FTO: variants seen among roughly 807,000 people sequenced by gnomAD.
The protein encoded by FTO is FTO alpha-ketoglutarate dependent dioxygenase.
In FTO, 47 loss-of-function variants were observed where a neutral mutation model predicts 63.9. The ratio of observed to expected loss-of-function variants is 0.74; its 90% CI spans 0.58 to 0.94. The LOEUF is 0.94. Ranked by LOEUF, FTO falls within the 40% of genes least tolerant of loss-of-function variation. FTO has a pLI of 0.00. For missense variants in FTO, 562 were observed against 618.1 expected, an observed-to-expected ratio of 0.91 and a Z score of 0.96; for synonymous variants, 207 against 224.4, an observed-to-expected ratio of 0.92 and a Z score of 0.69.
chr16:54,001,890 C>T (rs141617502), intron 8 of FTO, among the ~76,000 whole-genome samples: 11 of 152,304 alleles, frequency 7.2e-5, no homozygotes, highest in African/African-American at 2.6e-4. Context: ...AGATTGTACT[C>T]TCAGAAAACG....
chr16:53,897,097 A>AT (rs1256604967), intron 7 of FTO, among the ~76,000 whole-genome samples: 4 of 151,584 alleles, frequency 2.6e-5, no homozygotes, highest in Non-Finnish European at 5.9e-5. Flanking sequence ...ACTGTGATCT[A>AT]TTTTTTTTCT....
intron 3 of FTO, among the ~76,000 whole-genome samples, chr16:53,836,011 C>T (rs941807406): frequency 6.6e-6 from 1 of 151,946 alleles, no homozygotes; most frequent in African/African-American, 2.4e-5. Flanking sequence ...CTGCCACAGC[C>T]TCCTGAGTAG....
At position 53,704,165 on chromosome 16, in the gene FTO, A is replaced by C; in HGVS notation, c.-20A>C. The C allele has an allele frequency of 6.4e-7, 1 of 1,551,554 alleles. No individual in the cohort carries two copies. The highest frequency in any genetic ancestry group is 8.7e-7 in the Non-Finnish European group (1 of 1,146,872). ...GGGATCTACGCAGCTTGCGGTGGCG[A>C]AGGCGGCTTTAGTGGCAGCATGAAG... On this transcript the variant is annotated 5_prime_UTR_variant, in exon 1 of 9. Transcript: ENST00000471389.
At chr16:53,859,525 CTG>C (rs2080109523) in intron 4 of FTO, among the ~76,000 whole-genome samples, 1 of 148,254 alleles carries the variant, frequency 6.7e-6, no homozygotes, top group Admixed American at 6.8e-5. Context: ...ATATATATCA[CTG>C]TATATTAAAT....
At chr16:53,920,087 G>A (rs1312873729) in intron 7 of FTO, among the ~76,000 whole-genome samples, 1 of 152,158 alleles carries the variant, frequency 6.6e-6, no homozygotes, top group African/African-American at 2.4e-5. Flanking sequence ...CTGACTGGCT[G>A]GTACTTTAGA....
intron 8 of FTO, among the ~76,000 whole-genome samples, chr16:54,067,834 T>G (rs1454247622): frequency 1.3e-5 from 2 of 152,218 alleles, no homozygotes; most frequent in Admixed American, 6.5e-5. Context: ...CTATAGTAGT[T>G]TCTATGAAAT....
chr16:53,940,449 C>CT (rs2082501853), intron 8 of FTO, among the ~76,000 whole-genome samples: 1 of 152,152 alleles, frequency 6.6e-6, no homozygotes, highest in African/African-American at 2.4e-5. Flanking sequence ...ATGGTCAGGC[C>CT]TGGCTCTTTA....
At chr16:53,715,118 A>T (rs960531366) in intron 1 of FTO, among the ~76,000 whole-genome samples, 1 of 152,184 alleles carries the variant, frequency 6.6e-6, no homozygotes, top group Non-Finnish European at 1.5e-5. Context: ...CTTACTATTG[A>T]ATACGGACTA....
intron 8 of FTO, among the ~76,000 whole-genome samples, chr16:54,014,802 C>T (rs1440431597): frequency 6.6e-6 from 1 of 150,674 alleles, no homozygotes; most frequent in Non-Finnish European, 1.5e-5. Flanking sequence ...GATTTTCAGG[C>T]ATTTAAAATT....
chr16:54,040,377 G>GA (rs1214404560), intron 8 of FTO: 26 of 152,064 alleles, frequency 1.7e-4, no homozygotes, highest in African/African-American at 6.3e-4. Context: ...CTGAATTAAA[G>GA]AAAAAATCAA....
At chr16:54,104,313 CTTTTT>C (rs71146725) in intron 8 of FTO, among the ~76,000 whole-genome samples, 1 of 132,078 alleles carries the variant, frequency 7.6e-6, no homozygotes, top group Non-Finnish European at 1.6e-5. Context: ...CCTGAGGCCT[CTTTTT>C]TTTTTTTTTT....
In FTO at chr16:54,029,741, A is replaced by C. The variant is rs528548255; in HGVS notation, c.1365-82021A>C. Among the ~76,000 whole-genome samples the C allele has an allele frequency of 6.6e-5, 10 of 152,240 alleles. No individual in the cohort carries two copies. In the South Asian group the frequency reaches 2.1e-3, roughly 32 times the overall value. The stretch of plus-strand genomic sequence containing the variant: ...CAAGTATCTTTCTGTGGTGACGGGG[A>C]GAATGATATTTACTGAACTACAAGA... On this transcript the variant is annotated intron_variant, in intron 8 of 8. Coordinates refer to ENST00000471389, the MANE Select transcript of FTO (RefSeq NM_001080432.3).
intron 8 of FTO, among the ~76,000 whole-genome samples, chr16:54,008,814 TAATA>T (rs2084270231): frequency 7.8e-5 from 1 of 12,844 alleles, no homozygotes; most frequent in Non-Finnish European, 1.3e-4. Flanking sequence ...CAAATAATAA[TAATA>T]ATAATAATAA....
At chr16:53,803,188 A>T (rs555529529) in intron 1 of FTO, among the ~76,000 whole-genome samples, 8 of 152,162 alleles carry the variant, frequency 5.3e-5, no homozygotes, top group Admixed American at 2.0e-4. Flanking sequence ...CCTTTAAGTA[A>T]CTCATTTATG....
At chr16:54,016,825 A>T (rs2084460447) in intron 8 of FTO, among the ~76,000 whole-genome samples, 1 of 152,276 alleles carries the variant, frequency 6.6e-6, no homozygotes, top group African/African-American at 2.4e-5. Context: ...ACATAGAGAC[A>T]CCTGGCTTTT....
intron 8 of FTO, among the ~76,000 whole-genome samples, chr16:54,063,145 G>C (rs2085626863): frequency 6.6e-6 from 1 of 152,160 alleles, no homozygotes. Flanking sequence ...ATTTGGTTTA[G>C]AAGGCTGTGC....
intron 8 of FTO, among the ~76,000 whole-genome samples, chr16:53,980,507 C>T (rs369919021): frequency 1.8e-4 from 27 of 152,268 alleles, no homozygotes; most frequent in East Asian, 9.7e-4. Flanking sequence ...TGTATTTGCC[C>T]GTCAGAGGCA....
intron 1 of FTO, among the ~76,000 whole-genome samples, chr16:53,748,525 G>A (rs1157507226): frequency 6.6e-6 from 1 of 152,044 alleles, no homozygotes; most frequent in African/African-American, 2.4e-5. Context: ...TGTGATCTTG[G>A]CTCACTGCAG....
At chr16:53,810,608 G>T (rs1411574729) in intron 2 of FTO, among the ~76,000 whole-genome samples, 1 of 152,092 alleles carries the variant, frequency 6.6e-6, no homozygotes, top group Non-Finnish European at 1.5e-5. Flanking sequence ...CAAGTTGATT[G>T]CACTCCCGGT....
Sources: gnomAD v4.1 joint callset for allele counts (sites outside exome capture counted in the v4.1 genomes callset) on GRCh38, gnomAD v4.1.1 for gene constraint, MANE v1.5 for transcripts, NCBI Gene and HGNC (gene_info 2026-07-23, HGNC 2026-07-21) for gene names.